ZDHHC14: variants seen among roughly 807,000 people sequenced by gnomAD.
ZDHHC14 encodes palmitoyltransferase ZDHHC14.
Under a neutral mutation model 47.7 loss-of-function variants are expected in ZDHHC14, and 16 were observed. That is an observed-to-expected ratio of 0.34 (90% CI 0.23 to 0.51). The LOEUF (loss-of-function observed/expected upper bound fraction) is 0.51. ZDHHC14 is among the 20% of genes least tolerant of loss of function. ZDHHC14 has a pLI of 0.97. For synonymous variants in ZDHHC14, 293 were observed against 278.9 expected (o/e 1.05, Z -0.50); for missense variants, 515 against 662.5 (o/e 0.78, Z 2.44).
At position 157,416,518 on chromosome 6, in the gene ZDHHC14, A is replaced by AATT. The variant is rs1352515459; in HGVS notation, c.245+34256_245+34258dup. On this transcript the variant is annotated intron_variant, in intron 1 of 8. Coordinates refer to ENST00000359775, the MANE Select transcript of ZDHHC14 (RefSeq NM_024630.3). ...TATCAAAAAAAAACAAGCAAAAAAAAATTATTCAGGTGTGGTGGCACATAC... is the reference window on the plus strand; with the variant it reads ...TATCAAAAAAAAACAAGCAAAAAAAAATTATTATTCAGGTGTGGTGGCACATAC... Among the ~76,000 whole-genome samples the AATT allele has an allele frequency of 7.9e-5, 12 of 151,782 alleles. No individual in the cohort carries two copies. The East Asian group carries it at 2.1e-3, about 27-fold the overall frequency.
At chr6:157,497,444 T>C (rs41383350) in intron 1 of ZDHHC14, among the ~76,000 whole-genome samples, 7,154 of 152,268 alleles carry the variant, frequency 0.047, 572 homozygotes, top group African/African-American at 0.16. Context: ...AAAGTGGTAA[T>C]AGTTTGCAAT....
At chr6:157,472,567 A>G (rs1779381920) in intron 1 of ZDHHC14, among the ~76,000 whole-genome samples, 1 of 152,102 alleles carries the variant, frequency 6.6e-6, no homozygotes, top group African/African-American at 2.4e-5. Flanking sequence ...TTCAGCCAGA[A>G]TCCACACTTA....
At chr6:157,538,783 C>A (rs551797736) in intron 1 of ZDHHC14, among the ~76,000 whole-genome samples, 2 of 152,310 alleles carry the variant, frequency 1.3e-5, no homozygotes, top group Admixed American at 1.3e-4. Context: ...TGAGCTGGAA[C>A]TGGAAAGTTG....
chr6:157,657,065 T>C (rs575224540), intron 8 of ZDHHC14, among the ~76,000 whole-genome samples: 132 of 152,074 alleles, frequency 8.7e-4, no homozygotes, highest in Non-Finnish European at 1.6e-3. Context: ...TTTTTTTTTT[T>C]TAAGACAGGG....
chr6:157,489,448 A>G (rs1256584183), intron 1 of ZDHHC14, among the ~76,000 whole-genome samples: 1 of 149,452 alleles, frequency 6.7e-6, no homozygotes. Flanking sequence ...TTTTTTTTTG[A>G]ATGTTTTTAT....
chr6:157,614,664 A>G (rs950794543), intron 3 of ZDHHC14, among the ~76,000 whole-genome samples: 3 of 152,098 alleles, frequency 2.0e-5, no homozygotes, highest in South Asian at 4.2e-4. Flanking sequence ...CCGTAACACT[A>G]TGGCAGTTAG....
At chr6:157,484,663 A>C (rs935910372) in intron 1 of ZDHHC14, among the ~76,000 whole-genome samples, 1 of 151,844 alleles carries the variant, frequency 6.6e-6, no homozygotes, top group Non-Finnish European at 1.5e-5. Flanking sequence ...TTTTTCCAGC[A>C]TTTACACTGC....
intron 5 of ZDHHC14, among the ~76,000 whole-genome samples, chr6:157,638,896 A>G (rs1457491392): frequency 6.6e-6 from 1 of 152,160 alleles, no homozygotes; most frequent in South Asian, 2.1e-4. Context: ...GGGGACATGG[A>G]GGGAGAGGTC....
chr6:157,632,250 A>T (rs1420365596), intron 4 of ZDHHC14: 1 of 153,458 alleles, frequency 6.5e-6, no homozygotes, highest in Non-Finnish European at 1.5e-5. Context: ...TTTTATTTTT[A>T]AAAGTATGAT....
chr6:157,580,785 T>C (rs1783490094), intron 2 of ZDHHC14, among the ~76,000 whole-genome samples: 3 of 151,986 alleles, frequency 2.0e-5, no homozygotes, highest in Admixed American at 2.0e-4. Flanking sequence ...CCCTTTGCCA[T>C]TTCTAATTGT....
intron 2 of ZDHHC14, among the ~76,000 whole-genome samples, chr6:157,548,989 C>T (rs1009509795): frequency 2.0e-5 from 3 of 152,222 alleles, no homozygotes; most frequent in African/African-American, 7.2e-5. Flanking sequence ...CCATCTGTAT[C>T]CTGTTATACC....
intron 2 of ZDHHC14, among the ~76,000 whole-genome samples, chr6:157,579,193 T>TTTTTTG (rs1783421810): frequency 1.0e-5 from 1 of 100,278 alleles, no homozygotes; most frequent in Non-Finnish European, 2.0e-5. Context: ...ATTCTGTGTT[T>TTTTTTG]TTTTTTTTTT....
At chr6:157,607,392 T>A (rs1784581410) in intron 3 of ZDHHC14, among the ~76,000 whole-genome samples, 1 of 152,166 alleles carries the variant, frequency 6.6e-6, no homozygotes, top group Admixed American at 6.5e-5. Flanking sequence ...GCTCTTTTTT[T>A]AAAACAAACA....
chr6:157,444,405 T>G lies in ZDHHC14; in HGVS notation c.245+62139T>G, dbSNP rs186150263. 5.5e-3 allele frequency among the ~76,000 whole-genome samples: 844 copies of G among 152,220 alleles called. 3 individuals are homozygous for G. The highest frequency in any genetic ancestry group is 7.9e-3 in the Non-Finnish European group (539 of 68,006). On this transcript the variant is annotated intron_variant, in intron 1 of 8. Coordinates refer to ENST00000359775, the MANE Select transcript of ZDHHC14 (RefSeq NM_024630.3). ...GTAAGAGGATATACTAGGCTGGGCA[T>G]GGTGGCTCACGCCTGTAATCCAAGC...
chr6:157,468,853 G>A (rs1157250451), intron 1 of ZDHHC14, among the ~76,000 whole-genome samples: 3 of 152,198 alleles, frequency 2.0e-5, no homozygotes, highest in African/African-American at 7.2e-5. Context: ...CATTTAATGG[G>A]TGAAAAATTT....
intron 2 of ZDHHC14, among the ~76,000 whole-genome samples, chr6:157,554,352 C>T (rs917502708): frequency 6.6e-6 from 1 of 152,034 alleles, no homozygotes; most frequent in African/African-American, 2.4e-5. Flanking sequence ...TAAGGCAGGC[C>T]GTAGGCGAGA....
At chr6:157,653,851 G>A (rs539734010) in intron 8 of ZDHHC14, among the ~76,000 whole-genome samples, 17 of 152,304 alleles carry the variant, frequency 1.1e-4, no homozygotes, top group African/African-American at 3.4e-4. Context: ...TCACAGTTGC[G>A]CAGGGGAAGT....
chr6:157,430,475 G>A (rs1364831444), intron 1 of ZDHHC14, among the ~76,000 whole-genome samples: 1 of 152,150 alleles, frequency 6.6e-6, no homozygotes, highest in Non-Finnish European at 1.5e-5. Context: ...AGCCTCCAGA[G>A]GCTGCCCCCG....
chr6:157,629,041 G>C (rs142168146), intron 4 of ZDHHC14, among the ~76,000 whole-genome samples: 1 of 152,278 alleles, frequency 6.6e-6, no homozygotes, highest in Admixed American at 6.5e-5. Context: ...AGATGTTTAC[G>C]TATCTGCTAG....
Sources: allele counts gnomAD v4.1 joint callset (sites outside exome capture counted in the v4.1 genomes callset), GRCh38; gene constraint gnomAD v4.1.1; transcripts MANE v1.5; gene names NCBI Gene and HGNC (gene_info 2026-07-23, HGNC 2026-07-21).